The following XXYLT1 variants were observed in gnomAD, a reference collection of about 807,000 sequenced individuals.
XXYLT1 encodes UDP-xylose:alpha-xyloside alpha-1,3-xylosyltransferase.
In XXYLT1, 20 loss-of-function variants were observed where a neutral mutation model predicts 28.9. That is an observed-to-expected ratio of 0.69 (90% CI 0.49 to 1.00). The LOEUF (loss-of-function observed/expected upper bound fraction) is 1.00, where lower values mean the gene tolerates loss of function less well. Ranked by LOEUF, XXYLT1 falls within the 50% of genes least tolerant of loss-of-function variation. The probability of loss-of-function intolerance (pLI) is 0.00; values close to 1 mark genes in which losing one functional copy is unlikely to be tolerated. For missense variants in XXYLT1, 542 were observed against 560.1 expected (o/e 0.97, Z 0.33); for synonymous variants, 257 against 253.8 (o/e 1.01, Z -0.12).
At chr3:195,220,228 G>A (rs1043227737) in intron 2 of XXYLT1, among the ~76,000 whole-genome samples, 2 of 152,086 alleles carry the variant, frequency 1.3e-5, no homozygotes, top group East Asian at 1.9e-4. Flanking sequence ...TGCAACCTCC[G>A]CCTCCTGGGT....
At chr3:195,109,314 C>T (rs910252549) in intron 3 of XXYLT1, among the ~76,000 whole-genome samples, 1 of 152,118 alleles carries the variant, frequency 6.6e-6, no homozygotes, top group African/African-American at 2.4e-5. Context: ...AATAACCAGG[C>T]CTGGCTCTCC....
intron 3 of XXYLT1, among the ~76,000 whole-genome samples, chr3:195,135,871 GGGT>G (rs1719167736): frequency 6.6e-6 from 1 of 152,124 alleles, no homozygotes; most frequent in Non-Finnish European, 1.5e-5. Flanking sequence ...TGCTTCCCTA[GGGT>G]AAGAGAAAGG....
At chr3:195,146,149 A>G (rs1719833275) in intron 3 of XXYLT1, among the ~76,000 whole-genome samples, 1 of 152,206 alleles carries the variant, frequency 6.6e-6, no homozygotes, top group Non-Finnish European at 1.5e-5. Flanking sequence ...TCTGCACCTG[A>G]GATGGCCATG....
chr3:195,120,941 C>T (rs1165622080), intron 3 of XXYLT1, among the ~76,000 whole-genome samples: 1 of 152,206 alleles, frequency 6.6e-6, no homozygotes, highest in Non-Finnish European at 1.5e-5. Context: ...AAATCAGGCT[C>T]GTGGTGTTCC....
chr3:195,159,023 C>A (rs1388565216), intron 2 of XXYLT1, among the ~76,000 whole-genome samples: 2 of 152,086 alleles, frequency 1.3e-5, no homozygotes, highest in African/African-American at 2.4e-5. Flanking sequence ...AGAGAAGATG[C>A]TGGTTGGAGG....
intron 2 of XXYLT1, among the ~76,000 whole-genome samples, chr3:195,192,080 T>C (rs1722444643): frequency 6.6e-6 from 1 of 152,194 alleles, no homozygotes. Context: ...AGAACATCCA[T>C]TCCCTGAGAC....
At chr3:195,120,165 G>A in intron 3 of XXYLT1, among the ~76,000 whole-genome samples, 1 of 152,164 alleles carries the variant, frequency 6.6e-6, no homozygotes, top group Non-Finnish European at 1.5e-5. Context: ...TCTACTCAAA[G>A]GAGGGCAGAG....
In XXYLT1 at chr3:195,270,811, C is replaced by G; in HGVS notation, c.248G>C (p.Gly83Ala). The change falls in exon 1 of 4, where the codon GGC (glycine) becomes GCC (alanine). Residue 83 changes from glycine to alanine, a missense_variant. Coordinates refer to ENST00000310380, the MANE Select transcript of XXYLT1 (RefSeq NM_152531.5). ...GCCCTCCAAGCTCTTGGCCTTCGCG[C>G]CGGGGGCTGGCGCCACGGAGCCCCG... is the stretch of plus-strand genomic sequence containing the variant. ...LARGSVAPAP[G>A]AKAKSLEGGG... is the part of the protein sequence containing the mutation. 1 of 1,505,586 alleles carries G rather than the reference C, an allele frequency of 6.6e-7. No individual in the cohort carries two copies. The highest frequency in any genetic ancestry group is 8.9e-7 in the Non-Finnish European group (1 of 1,129,898). The allele number at this position is 1,505,586 out of a possible 1,614,324, so 93.3% of individuals were successfully genotyped here.
intron 3 of XXYLT1, among the ~76,000 whole-genome samples, chr3:195,127,700 C>A (rs1267351237): frequency 6.6e-6 from 1 of 152,014 alleles, no homozygotes; most frequent in Non-Finnish European, 1.5e-5. Context: ...TCACTTGAGC[C>A]CAGGAGGTTG....
At chr3:195,268,925 GACATGATACAGTC>G (rs1490962362) in intron 1 of XXYLT1, among the ~76,000 whole-genome samples, 1 of 152,192 alleles carries the variant, frequency 6.6e-6, no homozygotes, top group Non-Finnish European at 1.5e-5. Context: ...TGGATGATAA[GACATGATACAGTC>G]ACAGCACCAG....
chr3:195,070,050 C>T lies in XXYLT1; in HGVS notation c.847G>A (p.Glu283Lys), dbSNP rs186038785. Residue 283 changes from glutamate to lysine, a missense_variant, in exon 4 of 4, where the codon GAG becomes AAG. Glu to Lys is a moderately conservative substitution (Grantham distance 56). Transcript: ENST00000310380. Reference sequence around the variant, plus strand: ...CCGCTGTTGAAGCCCGGCAGCCCCTCGGGGGGCGGGCCCCCAACCCGGGTC... The same window carrying T: ...CCGCTGTTGAAGCCCGGCAGCCCCTTGGGGGGCGGGCCCCCAACCCGGGTC... The part of the protein sequence containing the change: ...PQTRVGGPPP[E>K]GLPGFNSGVM... 150 of 1,598,024 alleles carry T rather than the reference C, an allele frequency of 9.4e-5. No individual in the cohort carries two copies. In the East Asian group the frequency reaches 1.4e-3, roughly 15 times the overall value.
intron 3 of XXYLT1, among the ~76,000 whole-genome samples, chr3:195,096,975 A>AACAACAGG (rs1716483068): frequency 6.6e-6 from 1 of 152,236 alleles, no homozygotes; most frequent in Non-Finnish European, 1.5e-5. Context: ...AGGGGTGAAA[A>AACAACAGG]TGGTCAGGCT....
chr3:195,260,369 C>T (rs112597870), intron 1 of XXYLT1, among the ~76,000 whole-genome samples: 300 of 152,282 alleles, frequency 2.0e-3, no homozygotes, highest in African/African-American at 6.9e-3. Flanking sequence ...CCGCGGAGCC[C>T]GCAGCGCACA....
intron 2 of XXYLT1, chr3:195,183,583 G>T (rs1313049718): frequency 2.6e-5 from 4 of 152,206 alleles, no homozygotes; most frequent in East Asian, 3.8e-4. Flanking sequence ...TTGGGTCTCT[G>T]AAAAATTGGC....
chr3:195,152,372 C>T (rs1720319711), intron 3 of XXYLT1: 1 of 152,602 alleles, frequency 6.6e-6, no homozygotes, highest in African/African-American at 2.4e-5. Context: ...GGTGACGCTC[C>T]ATCCAAGATG....
At chr3:195,226,132 A>G (rs1298301261) in intron 2 of XXYLT1, among the ~76,000 whole-genome samples, 2 of 152,202 alleles carry the variant, frequency 1.3e-5, no homozygotes, top group African/African-American at 4.8e-5. Context: ...CAGTCCAAGC[A>G]TGACCAGACC....
chr3:195,132,716 G>A (rs535951163), intron 3 of XXYLT1, among the ~76,000 whole-genome samples: 20 of 152,286 alleles, frequency 1.3e-4, no homozygotes, highest in South Asian at 8.3e-4. Flanking sequence ...TTTTATTCTC[G>A]GCTTACTTGG....
intron 2 of XXYLT1, among the ~76,000 whole-genome samples, chr3:195,181,018 G>C (rs574022602): frequency 6.6e-6 from 1 of 152,362 alleles, no homozygotes; most frequent in South Asian, 2.1e-4. Context: ...GGCCGTGAGA[G>C]GGAAAGACAA....
Position 195,122,378 on chromosome 3 carries a change from A to G in XXYLT1, c.785+34071T>C, listed in dbSNP as rs147197439. Among the ~76,000 whole-genome samples, 1,024 of 152,236 alleles carry G rather than the reference A, an allele frequency of 6.7e-3. 12 individuals carry two copies. The highest frequency in any genetic ancestry group is 0.023 in the African/African-American group (949 of 41,540). On this transcript the variant is annotated intron_variant, in intron 3 of 3. Coordinates refer to ENST00000310380, the MANE Select transcript of XXYLT1 (RefSeq NM_152531.5). ...GCTCTGATATCTCCCCATCCTCCAG[A>G]CGAAGGTGGAACACCAGCTCAGTGT...
Sources: allele counts gnomAD v4.1 joint callset (sites outside exome capture counted in the v4.1 genomes callset), GRCh38; gene constraint gnomAD v4.1.1; transcripts MANE v1.5; gene names NCBI Gene and HGNC (gene_info 2026-07-23, HGNC 2026-07-21).